The following PDE6D variants were observed in gnomAD, a reference collection of about 807,000 sequenced individuals.
PDE6D encodes the protein phosphodiesterase 6D.
Under a neutral mutation model 21.9 loss-of-function variants are expected in PDE6D, and 10 were observed. The ratio of observed to expected loss-of-function variants is 0.46; its 90% CI spans 0.28 to 0.78. The LOEUF is 0.78. PDE6D is among the 30% of genes least tolerant of loss of function. The probability of loss-of-function intolerance (pLI) is 0.12; values close to 1 mark genes in which losing one functional copy is unlikely to be tolerated. For missense variants in PDE6D, 139 were observed against 184.8 expected, an observed-to-expected ratio of 0.75 and a Z score of 1.44; for synonymous variants, 59 against 63.5, an observed-to-expected ratio of 0.93 and a Z score of 0.34.
chr2:231,770,718 T>A (rs763815848), intron 1 of PDE6D, among the ~76,000 whole-genome samples: 1 of 152,090 alleles, frequency 6.6e-6, no homozygotes, highest in African/African-American at 2.4e-5. Flanking sequence ...TTTGGGAAGC[T>A]GAGGTGAATG....
chr2:231,749,823 C>T (rs1012941886), intron 1 of PDE6D, among the ~76,000 whole-genome samples: 1 of 151,944 alleles, frequency 6.6e-6, no homozygotes, highest in Non-Finnish European at 1.5e-5. Context: ...CGTGAGCTAC[C>T]GTGCCAGGCC....
At chr2:231,756,012 A>G (rs1316574427) in intron 1 of PDE6D, among the ~76,000 whole-genome samples, 1 of 152,208 alleles carries the variant, frequency 6.6e-6, no homozygotes, top group Non-Finnish European at 1.5e-5. Context: ...TGGTAGAGAA[A>G]TGGTTAAAAG....
intron 2 of PDE6D, among the ~76,000 whole-genome samples, chr2:231,738,353 G>GA (rs2048720655): frequency 6.6e-6 from 1 of 152,318 alleles, no homozygotes; most frequent in East Asian, 1.9e-4. Flanking sequence ...ACCCGTATCT[G>GA]AAAGATATTA....
chr2:231,776,508 A>G (rs1208026127), intron 1 of PDE6D, among the ~76,000 whole-genome samples: 1 of 152,190 alleles, frequency 6.6e-6, no homozygotes, highest in Non-Finnish European at 1.5e-5. Context: ...TTAGAAGGCT[A>G]TATTAAATAA....
At chr2:231,747,215 T>C (rs1439469834) in intron 1 of PDE6D, among the ~76,000 whole-genome samples, 2 of 152,248 alleles carry the variant, frequency 1.3e-5, no homozygotes, top group East Asian at 1.9e-4. Flanking sequence ...CTTAGCCTCC[T>C]GAGTAGCTGG....
At chr2:231,738,466 G>GCCT (rs2048721470) in intron 2 of PDE6D, among the ~76,000 whole-genome samples, 1 of 152,160 alleles carries the variant, frequency 6.6e-6, no homozygotes, top group South Asian at 2.1e-4. Context: ...CTGTTCTGGT[G>GCCT]ATTTTAACCC....
At chr2:231,748,609 C>T (rs867878712) in intron 1 of PDE6D, among the ~76,000 whole-genome samples, 1 of 152,210 alleles carries the variant, frequency 6.6e-6, no homozygotes, top group South Asian at 2.1e-4. Flanking sequence ...TAATGTTAAT[C>T]CCCAAGACCA....
chr2:231,743,643 A>C (rs2048768979), intron 1 of PDE6D, among the ~76,000 whole-genome samples: 1 of 151,728 alleles, frequency 6.6e-6, no homozygotes, highest in South Asian at 2.1e-4. Flanking sequence ...TATGCTCAAT[A>C]CATCTCCAGA....
chr2:231,779,851 G>A (rs576853080), intron 1 of PDE6D, among the ~76,000 whole-genome samples: 21 of 152,240 alleles, frequency 1.4e-4, no homozygotes, highest in Non-Finnish European at 4.4e-5. Context: ...TTACCAACTT[G>A]GTTTCTGATT....
At position 231,740,471 on chromosome 2, in the gene PDE6D, TCAG is replaced by T. The variant is rs550563773; in HGVS notation, c.51-1286_51-1284del. On this transcript the variant is annotated intron_variant, in intron 1 of 4. Coordinates refer to ENST00000287600, the MANE Select transcript of PDE6D (RefSeq NM_002601.4). ...GCTGAGGTGGGTGGATTCCTTGAGCTCAGGAGTTTGAGATTAGCCTGGGAAACA... is the reference window on the plus strand; with the variant it reads ...GCTGAGGTGGGTGGATTCCTTGAGCTGAGTTTGAGATTAGCCTGGGAAACA... Among the ~76,000 whole-genome samples the T allele has an allele frequency of 8.8e-4, 133 of 151,724 alleles. 1 individual carries two copies. The highest frequency in any genetic ancestry group is 3.5e-3 in the South Asian group (17 of 4,800).
intron 1 of PDE6D, among the ~76,000 whole-genome samples, chr2:231,752,699 T>G (rs1173194055): frequency 6.6e-6 from 1 of 151,988 alleles, no homozygotes; most frequent in East Asian, 1.9e-4. Flanking sequence ...GCTCATATAT[T>G]AATCTTCATC....
At position 231,780,976 on chromosome 2, in the gene PDE6D, C is replaced by T. The variant is rs1030142566; in HGVS notation, c.50+89G>A. 1.2e-4 allele frequency: 143 copies of T among 1,191,198 alleles called. 1 individual carries two copies. Among genetic ancestry groups the T allele is most frequent in the South Asian group, 8.1e-4 (64 of 79,484 alleles). 73.8% of individuals were successfully genotyped at this position (1,191,198 alleles called of 1,614,324 possible). On this transcript the variant is annotated intron_variant, in intron 1 of 4. Coordinates refer to ENST00000287600, the MANE Select transcript of PDE6D (RefSeq NM_002601.4). ...CGCGGCCCTTCTTCTGTGGGGCCCA[C>T]CTGGCGCGGCCCCCGCCCCCGGCCA...
At chr2:231,762,188 A>C (rs1035081255) in intron 1 of PDE6D, among the ~76,000 whole-genome samples, 1 of 152,184 alleles carries the variant, frequency 6.6e-6, no homozygotes. Flanking sequence ...TGTAAGTTGC[A>C]CTTAAATATT....
intron 1 of PDE6D, among the ~76,000 whole-genome samples, chr2:231,771,787 G>T (rs2049017566): frequency 6.6e-6 from 1 of 152,168 alleles, no homozygotes; most frequent in African/African-American, 2.4e-5. Flanking sequence ...GATTTTAGGT[G>T]TAGAACATAT....
At chr2:231,779,355 A>G (rs547326688) in intron 1 of PDE6D, 3 of 152,234 alleles carry the variant, frequency 2.0e-5, no homozygotes, top group Non-Finnish European at 4.4e-5. Context: ...TTCAAGAGCT[A>G]AGACTGAAGG....
chr2:231,772,745 T>C, intron 1 of PDE6D, among the ~76,000 whole-genome samples: 1 of 152,254 alleles, frequency 6.6e-6, no homozygotes, highest in Non-Finnish European at 1.5e-5. Flanking sequence ...CTTTATCAAA[T>C]GTAGTGGTGA....
At chr2:231,737,104 A>T (rs903950854) in intron 4 of PDE6D, 83 bp downstream of exon 4, 15 of 732,900 alleles carry the variant, frequency 2.0e-5, no homozygotes, top group Middle Eastern at 2.4e-4. Context: ...CTCTCTGCCC[A>T]CTGAATGGCA....
chr2:231,753,354 T>G (rs969927401), intron 1 of PDE6D, among the ~76,000 whole-genome samples: 1 of 150,666 alleles, frequency 6.6e-6, no homozygotes, highest in African/African-American at 2.4e-5. Context: ...AAACCCCGTC[T>G]GTACTAAAAA....
intron 1 of PDE6D, among the ~76,000 whole-genome samples, chr2:231,750,284 T>C (rs1027078970): frequency 2.6e-5 from 4 of 152,180 alleles, no homozygotes; most frequent in African/African-American, 9.7e-5. Context: ...TTATCAGCAG[T>C]GTTAAAACAA....
Sources: allele counts gnomAD v4.1 joint callset (sites outside exome capture counted in the v4.1 genomes callset), GRCh38; gene constraint gnomAD v4.1.1; transcripts MANE v1.5; gene names NCBI Gene and HGNC (gene_info 2026-07-23, HGNC 2026-07-21).